The following UHRF2 variants were observed in gnomAD, a reference collection of about 807,000 sequenced individuals.
The protein encoded by UHRF2 is ubiquitin like with PHD and ring finger domains 2, also known as E3 ubiquitin-protein ligase UHRF2.
A neutral mutation model predicts 96.8 loss-of-function variants in UHRF2; 23 were observed. That is an observed-to-expected ratio of 0.24 (90% CI 0.17 to 0.34). The LOEUF (loss-of-function observed/expected upper bound fraction) is 0.34. UHRF2 is among the 10% of genes least tolerant of loss of function. The pLI is 1.00. For synonymous variants in UHRF2, 385 were observed against 332.6 expected (o/e 1.16, Z -1.72); for missense variants, 685 against 981.5 (o/e 0.70, Z 4.04).
chr9:6,468,292 T>G (rs1344554625), intron 4 of UHRF2: 2 of 362,144 alleles, frequency 5.5e-6, no homozygotes, highest in Admixed American at 3.6e-5. Flanking sequence ...GCTTTGGCCT[T>G]GAATTTGTGA....
At chr9:6,436,589 G>A (rs1820860048) in intron 3 of UHRF2, among the ~76,000 whole-genome samples, 1 of 152,154 alleles carries the variant, frequency 6.6e-6, no homozygotes, top group Non-Finnish European at 1.5e-5. Flanking sequence ...TATGCAGAAT[G>A]GCACAACATA....
At chr9:6,435,026 G>C (rs1348178741) in intron 3 of UHRF2, among the ~76,000 whole-genome samples, 2 of 148,536 alleles carry the variant, frequency 1.3e-5, no homozygotes. Flanking sequence ...TTTTAGTTTT[G>C]AGACAGATTC....
intron 3 of UHRF2, among the ~76,000 whole-genome samples, chr9:6,448,782 G>A (rs369389550): frequency 6.6e-6 from 1 of 152,186 alleles, no homozygotes; most frequent in Non-Finnish European, 1.5e-5. Flanking sequence ...GTAGGTTGTG[G>A]CAGTAGACAG....
rs1822480305 is a variant in UHRF2 at position 6,460,577 on chromosome 9, C to G, written c.649C>G (p.Pro217Ala). The change falls in exon 4 of 16, where the codon CCA becomes GCA. Residue 217 changes from proline to alanine, a missense_variant. Pro to Ala is a conservative substitution (Grantham distance 27). Around this residue, in one of 6 missense-constraint regions of UHRF2, gnomAD observed 391 missense variants for 437.0 expected, o/e 0.89. Coordinates refer to ENST00000276893, the MANE Select transcript of UHRF2 (RefSeq NM_152896.3). ...TATGGTTTTCTCTCTCCTCAGATAC[C>G]CAGAAAGCGGTACTCTAGAAATGAA... ...VIYHIQYDEYPESGTLEMNVK... is the reference protein window; with the variant it reads ...VIYHIQYDEYAESGTLEMNVK... 7 of 1,598,004 alleles carry G rather than the reference C, an allele frequency of 4.4e-6. No individual in the cohort carries two copies. The highest frequency in any genetic ancestry group is 6.0e-6 in the Non-Finnish European group (7 of 1,169,714).
intron 2 of UHRF2, among the ~76,000 whole-genome samples, chr9:6,431,971 C>T (rs1820583605): frequency 6.6e-6 from 1 of 152,180 alleles, no homozygotes; most frequent in Non-Finnish European, 1.5e-5. Flanking sequence ...GTAGTAACCT[C>T]AGTTTATTCT....
intron 1 of UHRF2, among the ~76,000 whole-genome samples, chr9:6,419,549 A>C (rs1413895382): frequency 6.6e-6 from 1 of 152,194 alleles, no homozygotes; most frequent in African/African-American, 2.4e-5. Context: ...TTTTTTAAAA[A>C]AGTGAAACAC....
intron 3 of UHRF2, among the ~76,000 whole-genome samples, chr9:6,441,495 A>G (rs1274246314): frequency 2.0e-5 from 3 of 152,176 alleles, no homozygotes; most frequent in Non-Finnish European, 4.4e-5. Context: ...ATGTGTTCTA[A>G]TAAGTCCTTT....
At chr9:6,426,535 T>G (rs1820270019) in intron 2 of UHRF2, among the ~76,000 whole-genome samples, 1 of 152,250 alleles carries the variant, frequency 6.6e-6, no homozygotes, top group Admixed American at 6.5e-5. Context: ...TGAACCTTAG[T>G]AATTGTCATA....
At chr9:6,472,677 C>G (rs892500229) in intron 4 of UHRF2, among the ~76,000 whole-genome samples, 1 of 152,192 alleles carries the variant, frequency 6.6e-6, no homozygotes, top group Non-Finnish European at 1.5e-5. Context: ...TGTACTGGCT[C>G]TATGACCTGA....
intron 3 of UHRF2, among the ~76,000 whole-genome samples, chr9:6,455,364 C>A (rs1178376790): frequency 6.6e-6 from 1 of 152,120 alleles, no homozygotes; most frequent in Non-Finnish European, 1.5e-5. Context: ...GTTCAATTCC[C>A]ACCTATGAGT....
chr9:6,445,981 C>CTTTTTTTTTTTTTTTTTTTTTTTTT (rs57147850), intron 3 of UHRF2, among the ~76,000 whole-genome samples: 2 of 78,904 alleles, frequency 2.5e-5, no homozygotes, highest in African/African-American at 1.0e-4. Flanking sequence ...CCCCGCCACC[C>CTTTTTTTTTTTTTTTTTTTTTTTTT]TTTTTTTTTT....
At chr9:6,434,413 A>G (rs1820716659) in intron 3 of UHRF2, 4 of 388,768 alleles carry the variant, frequency 1.0e-5, no homozygotes, top group Non-Finnish European at 1.8e-5. Context: ...TTTAGGGTGT[A>G]TGGGTTTCTG....
chr9:6,440,787 A>T (rs1478009300), intron 3 of UHRF2, among the ~76,000 whole-genome samples: 2 of 152,148 alleles, frequency 1.3e-5, no homozygotes, highest in African/African-American at 4.8e-5. Flanking sequence ...GTGTTCCTCA[A>T]CCCTGGCTAC....
At chr9:6,452,576 A>G (rs1014928587) in intron 3 of UHRF2, among the ~76,000 whole-genome samples, 2 of 152,202 alleles carry the variant, frequency 1.3e-5, no homozygotes, top group African/African-American at 4.8e-5. Context: ...CTAGTCTGAG[A>G]AAGGTAGATT....
At chr9:6,437,716 C>T (rs1291380075) in intron 3 of UHRF2, among the ~76,000 whole-genome samples, 1 of 152,136 alleles carries the variant, frequency 6.6e-6, no homozygotes, top group Non-Finnish European at 1.5e-5. Context: ...TTCCTGGTTT[C>T]AAGTAATTCT....
chr9:6,429,522 G>A (rs556346788), intron 2 of UHRF2, among the ~76,000 whole-genome samples: 3 of 152,200 alleles, frequency 2.0e-5, no homozygotes, highest in African/African-American at 7.2e-5. Context: ...AGAGATGGGG[G>A]TTTTAGCCAT....
chr9:6,465,623 T>C (rs756639873), intron 4 of UHRF2, among the ~76,000 whole-genome samples: 1 of 152,240 alleles, frequency 6.6e-6, no homozygotes, highest in South Asian at 2.1e-4. Flanking sequence ...TCTGTTACGA[T>C]GTTTTTTATT....
At chr9:6,456,394 T>C (rs1395073173) in intron 3 of UHRF2, among the ~76,000 whole-genome samples, 1 of 152,210 alleles carries the variant, frequency 6.6e-6, no homozygotes, top group Non-Finnish European at 1.5e-5. Flanking sequence ...TTTGTTTTTT[T>C]CTTGTGAATT....
chr9:6,416,509 G>A (rs1344959257), intron 1 of UHRF2, among the ~76,000 whole-genome samples: 1 of 144,856 alleles, frequency 6.9e-6, no homozygotes, highest in African/African-American at 2.5e-5. Context: ...TTTTAAGGAA[G>A]AGATTATGTT....
Sources: gnomAD v4.1 joint callset for allele counts (sites outside exome capture counted in the v4.1 genomes callset) on GRCh38, gnomAD v4.1.1 for gene constraint, gnomAD v4.1.1 regional missense constraint, MANE v1.5 for transcripts, NCBI Gene and HGNC (gene_info 2026-07-23, HGNC 2026-07-21) for gene names.